Variants in ARMC3 observed in about 807,000 individuals in gnomAD.
ARMC3 encodes armadillo repeat containing 3, also known as armadillo repeat-containing protein 3.
In ARMC3, 74 loss-of-function variants were observed where a neutral mutation model predicts 90.3. The ratio of observed to expected loss-of-function variants is 0.82; its 90% confidence interval spans 0.68 to 0.99. The LOEUF is 0.99. Among genes scored for constraint, ARMC3 ranks in the 50% least tolerant of loss-of-function variants. The probability of loss-of-function intolerance (pLI) is 0.00; values close to 1 mark genes in which losing one functional copy is unlikely to be tolerated. For missense variants in ARMC3, 958 were observed against 1,042.8 expected (o/e 0.92, Z 1.12); for synonymous variants, 334 against 361.8 (o/e 0.92, Z 0.87).
At chr10:22,933,158 C>T (rs1196561797) in intron 2 of ARMC3, among the ~76,000 whole-genome samples, 1 of 152,190 alleles carries the variant, frequency 6.6e-6, no homozygotes, top group Non-Finnish European at 1.5e-5. Context: ...CCTGTCTTCC[C>T]GGGTCCAGGA....
intron 7 of ARMC3, among the ~76,000 whole-genome samples, chr10:22,963,980 A>C (rs992614358): frequency 1.3e-4 from 19 of 150,492 alleles, no homozygotes. Context: ...AAGCCGTAAA[A>C]CTGTATTTAT....
chr10:22,957,702 A>G (rs1402011944), intron 4 of ARMC3, among the ~76,000 whole-genome samples: 2 of 152,226 alleles, frequency 1.3e-5, no homozygotes, highest in South Asian at 4.1e-4. Context: ...AGAGGCATAC[A>G]GAAGTTAAAT....
chr10:22,962,464 CA>C (rs968838001), intron 7 of ARMC3, among the ~76,000 whole-genome samples: 20 of 152,136 alleles, frequency 1.3e-4, no homozygotes, highest in African/African-American at 4.1e-4. Flanking sequence ...CCTTAAGAAT[CA>C]AACTTTAAGA....
chr10:22,938,127 G>A (rs988918171), intron 2 of ARMC3, among the ~76,000 whole-genome samples: 13 of 152,182 alleles, frequency 8.5e-5, no homozygotes, highest in African/African-American at 3.1e-4. Flanking sequence ...TCTTGGGCAG[G>A]CCTTCTTGTG....
intron 8 of ARMC3, among the ~76,000 whole-genome samples, chr10:22,973,712 A>G (rs1024245021): frequency 2.3e-5 from 3 of 130,264 alleles, no homozygotes; most frequent in Non-Finnish European, 5.0e-5. Context: ...GTTTCCCACT[A>G]TATTATTTTT....
At position 22,968,357 on chromosome 10, in the gene ARMC3, G is replaced by A. The variant is rs1446158623; in HGVS notation, c.784G>A (p.Glu262Lys). ...EALAVIANCLEDMDTMVQIQQ... is the reference protein window; with the variant it reads ...EALAVIANCLKDMDTMVQIQQ... ...ACTTGCAGTGATAGCCAATTGCCTT[G>A]AAGACATGGATACTATGGTGCAGAT... Residue 262 changes from glutamate to lysine, a missense_variant, in exon 8 of 19, where the codon GAA becomes AAA. Glu to Lys is a moderately conservative substitution (Grantham distance 56, BLOSUM62 1). Coordinates refer to ENST00000298032, the MANE Select transcript of ARMC3 (RefSeq NM_173081.5). 6.2e-7 allele frequency: 1 copy of A among 1,614,054 alleles called. No homozygotes were observed.
At chr10:22,945,371 T>C (rs1834486341) in intron 2 of ARMC3, among the ~76,000 whole-genome samples, 1 of 152,208 alleles carries the variant, frequency 6.6e-6, no homozygotes, top group Non-Finnish European at 1.5e-5. Flanking sequence ...AAAAATAGTG[T>C]AATAATTTGT....
chr10:22,933,713 G>A (rs541610487), intron 2 of ARMC3, among the ~76,000 whole-genome samples: 79 of 152,146 alleles, frequency 5.2e-4, no homozygotes, highest in Non-Finnish European at 1.0e-3. Flanking sequence ...GTGAAACCCC[G>A]TCTCTACTAA....
At chr10:23,003,145 A>G in intron 12 of ARMC3, 101 bp from the exon 13 acceptor site, 2 of 1,074,428 alleles carry the variant, frequency 1.9e-6, no homozygotes, top group Non-Finnish European at 2.6e-6. Context: ...TTTAAGCTCC[A>G]TCTCCATTCT....
At chr10:22,960,300 T>C (rs1018203503) in intron 6 of ARMC3, 3 of 155,130 alleles carry the variant, frequency 1.9e-5, no homozygotes, top group African/African-American at 7.2e-5. Flanking sequence ...AAATTTTAAA[T>C]GGCCATTAAT....
chr10:22,933,679 A>T lies in ARMC3; in HGVS notation c.48+1635A>T, dbSNP rs187367647. ...GGCGGGCGGATCACGAGGTCAGGAG[A>T]TTGAGACCATCCTGGCTAACATGGT... On this transcript the variant is annotated intron_variant, in intron 2 of 18. Transcript: ENST00000298032. Among the ~76,000 whole-genome samples the T allele has an allele frequency of 1.7e-3, 264 of 152,088 alleles. 1 individual carries two copies. The highest frequency in any genetic ancestry group is 2.8e-3 in the Non-Finnish European group (192 of 67,958).
chr10:23,033,119 A>G (rs1308971378), intron 18 of ARMC3, 96 bp downstream of exon 18: 1 of 1,192,792 alleles, frequency 8.4e-7, no homozygotes, highest in African/African-American at 1.6e-5. Flanking sequence ...ACTGGATATT[A>G]TTAATTCTAC....
chr10:23,008,166 A>G (rs2131463181), intron 14 of ARMC3, 110 bp from the exon 15 acceptor site: 2 of 572,072 alleles, frequency 3.5e-6, no homozygotes, highest in South Asian at 5.1e-5. Context: ...GTCACTGTTA[A>G]AAGTCAGCTT....
At chr10:22,946,299 A>G in intron 3 of ARMC3, 38 bp downstream of exon 3, 2 of 1,396,544 alleles carry the variant, frequency 1.4e-6, no homozygotes, top group Non-Finnish European at 2.0e-6. Context: ...TGTTTCATTA[A>G]TTTCTTAAAA....
intron 10 of ARMC3, among the ~76,000 whole-genome samples, chr10:22,996,298 A>C (rs908613858): frequency 6.6e-6 from 1 of 152,130 alleles, no homozygotes; most frequent in African/African-American, 2.4e-5. Context: ...TAATAATAGG[A>C]GAGAAGATGA....
intron 2 of ARMC3, among the ~76,000 whole-genome samples, chr10:22,936,404 A>G (rs1834115608): frequency 6.6e-6 from 1 of 152,178 alleles, no homozygotes; most frequent in South Asian, 2.1e-4. Context: ...ACAAAATCAG[A>G]ACGTTTTCAT....
intron 7 of ARMC3, among the ~76,000 whole-genome samples, chr10:22,963,821 C>T (rs1334611193): frequency 7.0e-5 from 10 of 142,596 alleles, no homozygotes; most frequent in Admixed American, 5.3e-4. Context: ...ACCCGTGAGT[C>T]GGAGGTTGCA....
At chr10:23,028,909 C>T (rs1263294013) in intron 16 of ARMC3, among the ~76,000 whole-genome samples, 2 of 152,166 alleles carry the variant, frequency 1.3e-5, no homozygotes, top group Non-Finnish European at 2.9e-5. Flanking sequence ...ATCTTCCTTG[C>T]TTTTTCTGAT....
chr10:22,947,173 G>A (rs986688789), intron 3 of ARMC3, among the ~76,000 whole-genome samples: 1 of 152,006 alleles, frequency 6.6e-6, no homozygotes, highest in African/African-American at 2.4e-5. Flanking sequence ...AGGTATGATG[G>A]CACATGTCTG....
Sources: gnomAD v4.1 joint callset for allele counts (sites outside exome capture counted in the v4.1 genomes callset) on GRCh38, gnomAD v4.1.1 for gene constraint, MANE v1.5 for transcripts, NCBI Gene and HGNC (gene_info 2026-07-23, HGNC 2026-07-21) for gene names.